The following TRPC6 variants were observed in gnomAD, a reference collection of about 807,000 sequenced individuals.
TRPC6 encodes short transient receptor potential channel 6.
In TRPC6, 55 loss-of-function variants were observed where a neutral mutation model predicts 90.7. That is an observed-to-expected ratio of 0.61 (90% CI 0.49 to 0.76). TRPC6 has a LOEUF of 0.76. Among genes scored for constraint, TRPC6 ranks in the 30% least tolerant of loss-of-function variants. The pLI, the probability that TRPC6 is intolerant of heterozygous loss-of-function variation, is 0.00. For synonymous variants in TRPC6, 393 were observed against 393.0 expected, an observed-to-expected ratio of 1.00 and a Z score of 0.00; for missense variants, 989 against 1,122.7, an observed-to-expected ratio of 0.88 and a Z score of 1.70.
intron 10 of TRPC6, among the ~76,000 whole-genome samples, chr11:101,458,268 T>C (rs928354757): frequency 1.5e-4 from 23 of 152,330 alleles, no homozygotes; most frequent in Admixed American, 8.5e-4. Flanking sequence ...ATCCTAGAGA[T>C]ATTTTGCCAA....
chr11:101,458,461 T>A (rs184462346), intron 10 of TRPC6, among the ~76,000 whole-genome samples: 8 of 152,318 alleles, frequency 5.3e-5, no homozygotes, highest in Admixed American at 1.3e-4. Context: ...AGGGCAGTTA[T>A]TCAAGAAGTT....
chr11:101,453,808 C>T (rs1239914113), intron 11 of TRPC6, 83 bp from the exon 12 acceptor site: 4 of 1,333,042 alleles, frequency 3.0e-6, no homozygotes, highest in Non-Finnish European at 4.3e-6. Flanking sequence ...CAGAGTCTTC[C>T]TCCCTGTAGT....
At chr11:101,457,587 C>G (rs1858913978) in intron 10 of TRPC6, among the ~76,000 whole-genome samples, 1 of 152,136 alleles carries the variant, frequency 6.6e-6, no homozygotes, top group Non-Finnish European at 1.5e-5. Flanking sequence ...ATTCAGTCAG[C>G]AGTGAATGCA....
At chr11:101,549,529 A>G (rs1372999318) in intron 1 of TRPC6, among the ~76,000 whole-genome samples, 1 of 151,730 alleles carries the variant, frequency 6.6e-6, no homozygotes, top group Non-Finnish European at 1.5e-5. Context: ...GCTATAATAA[A>G]AAGAAATATT....
At position 101,472,157 on chromosome 11, in the gene TRPC6, T is replaced by C. The variant is rs760840314; in HGVS notation, c.2185A>G (p.Ser729Gly). 6.2e-7 allele frequency: 1 copy of C among 1,611,556 alleles called. No individual in the cohort carries two copies. Among genetic ancestry groups the C allele is most frequent in the South Asian group, 1.1e-5 (1 of 90,988 alleles). The change falls in exon 8 of 13, where the codon AGT becomes GGT. Residue 729 changes from serine (S) to glycine (G), a missense_variant. This residue lies in a region of TRPC6 where 118 missense variants were observed against 197.6 expected (regional missense o/e 0.60). Transcript: ENST00000344327. ...TATACCTCAATTTCCTGGAATGAAC[T>C]GTTGATCATGGCAATTAACATATTT... ...LLNMLIAMIN[S>G]SFQEIEDDAD... is the part of the protein sequence containing the mutation.
chr11:101,577,730 G>A (rs183306222), intron 1 of TRPC6, among the ~76,000 whole-genome samples: 11 of 152,252 alleles, frequency 7.2e-5, no homozygotes, highest in Admixed American at 5.2e-4. Context: ...AGCTGGAAGA[G>A]CAGTTATAGC....
intron 1 of TRPC6, among the ~76,000 whole-genome samples, chr11:101,563,531 C>A (rs112876677): frequency 1.0e-3 from 156 of 152,152 alleles, no homozygotes; most frequent in African/African-American, 3.3e-3. Flanking sequence ...TGTCTGTAGG[C>A]TGTGTAGGTA....
chr11:101,465,705 T>C (rs1006052906), intron 10 of TRPC6, among the ~76,000 whole-genome samples: 1 of 152,118 alleles, frequency 6.6e-6, no homozygotes, highest in Non-Finnish European at 1.5e-5. Context: ...TTTTTCAAGG[T>C]TCTTAGTTTT....
intron 1 of TRPC6, among the ~76,000 whole-genome samples, chr11:101,512,049 GT>G (rs1860405968): frequency 6.6e-6 from 1 of 151,984 alleles, no homozygotes; most frequent in African/African-American, 2.4e-5. Flanking sequence ...TTCTCACCCT[GT>G]TCTCTCTCCC....
chr11:101,517,679 A>T (rs1860554279), intron 1 of TRPC6, among the ~76,000 whole-genome samples: 1 of 152,186 alleles, frequency 6.6e-6, no homozygotes, highest in Non-Finnish European at 1.5e-5. Flanking sequence ...CTTTTCAAGT[A>T]ACTGCTTTAA....
At chr11:101,552,784 C>T (rs1298978615) in intron 1 of TRPC6, among the ~76,000 whole-genome samples, 9 of 152,102 alleles carry the variant, frequency 5.9e-5, no homozygotes, top group Middle Eastern at 3.4e-3. Context: ...ATCTTATAGC[C>T]GCTCAGGATC....
intron 4 of TRPC6, among the ~76,000 whole-genome samples, chr11:101,484,739 A>G (rs886364660): frequency 6.6e-6 from 1 of 151,878 alleles, no homozygotes; most frequent in African/African-American, 2.4e-5. Context: ...AAATCATAAT[A>G]TTTACATATA....
At chr11:101,547,819 T>A (rs1307183234) in intron 1 of TRPC6, among the ~76,000 whole-genome samples, 1 of 152,166 alleles carries the variant, frequency 6.6e-6, no homozygotes, top group Non-Finnish European at 1.5e-5. Context: ...GTAGGCACTA[T>A]ATGCTCCTAG....
chr11:101,483,352 C>G (rs1404810636), intron 4 of TRPC6, among the ~76,000 whole-genome samples, 187 bp from the exon 5 acceptor site: 1 of 152,122 alleles, frequency 6.6e-6, no homozygotes, highest in Admixed American at 6.6e-5. Flanking sequence ...ACGTTCCTCA[C>G]CTACATGTGC....
intron 1 of TRPC6, 67 bp from the exon 2 acceptor site, chr11:101,504,865 C>T (rs1245654353): frequency 8.3e-6 from 13 of 1,569,498 alleles, no homozygotes; most frequent in African/African-American, 8.1e-5. Flanking sequence ...AAATGACTTG[C>T]CATTCATCTA....
chr11:101,540,054 C>T (rs558543583), intron 1 of TRPC6, among the ~76,000 whole-genome samples: 5 of 152,236 alleles, frequency 3.3e-5, no homozygotes, highest in East Asian at 3.9e-4. Context: ...AATAATTGAG[C>T]GAGTTATATA....
At chr11:101,506,779 C>A (rs1041795513) in intron 1 of TRPC6, among the ~76,000 whole-genome samples, 1 of 151,880 alleles carries the variant, frequency 6.6e-6, no homozygotes, top group African/African-American at 2.4e-5. Flanking sequence ...TTTTTAATTC[C>A]ATTTTTAATT....
At chr11:101,547,771 G>A (rs1161837379) in intron 1 of TRPC6, among the ~76,000 whole-genome samples, 1 of 152,134 alleles carries the variant, frequency 6.6e-6, no homozygotes, top group African/African-American at 2.4e-5. Context: ...ATGGAGAATG[G>A]AACAGGGGCA....
chr11:101,525,946 AT>A (rs2039342347), intron 1 of TRPC6, among the ~76,000 whole-genome samples: 1 of 152,200 alleles, frequency 6.6e-6, no homozygotes, highest in South Asian at 2.1e-4. Context: ...CCCTGATTCC[AT>A]AGGATGGGCG....
Sources: allele counts gnomAD v4.1 joint callset (sites outside exome capture counted in the v4.1 genomes callset), GRCh38; gene constraint gnomAD v4.1.1; regional missense constraint gnomAD v4.1.1; transcripts MANE v1.5; gene names NCBI Gene and HGNC (gene_info 2026-07-23, HGNC 2026-07-21).